Variants in TBX18 observed in about 807,000 individuals in gnomAD.
The protein encoded by TBX18 is T-box transcription factor 18.
In TBX18, 21 loss-of-function variants were observed where a neutral mutation model predicts 55.0. The observed-to-expected ratio is 0.38, with a 90% CI of 0.27 to 0.55. The LOEUF is 0.55. TBX18 is among the 20% of genes least tolerant of loss of function. The probability of loss-of-function intolerance (pLI) is 0.73; values close to 1 mark genes in which losing one functional copy is unlikely to be tolerated. For missense variants in TBX18, 840 were observed against 799.6 expected (o/e 1.05, Z -0.61); for synonymous variants, 342 against 326.1 (o/e 1.05, Z -0.53).
intron 4 of TBX18, among the ~76,000 whole-genome samples, chr6:84,750,143 G>T (rs1354377719): frequency 6.6e-6 from 1 of 152,030 alleles, no homozygotes; most frequent in Non-Finnish European, 1.5e-5. Context: ...AAATTAGCTG[G>T]GCGTGGTGGC....
chr6:84,737,165 G>A lies in TBX18; in HGVS notation c.1344C>T (p.Thr448=), dbSNP rs1766892476. The stretch of plus-strand genomic sequence containing the variant: ...AGGAGGGAGTCCTGGGCGGGGCAAA[G>A]GTCTCACCAGCCTGGTTGGTGAGCC... ...YNRLTNQAGE[T]FAPPRTPSYV... is the part of the protein sequence containing the mutation. Residue 448 remains threonine (T), a synonymous_variant, in exon 8 of 8, where the codon ACC becomes ACT. Coordinates refer to ENST00000369663, the MANE Select transcript of TBX18 (RefSeq NM_001080508.3). The A allele has an allele frequency of 6.2e-7, 1 of 1,613,992 alleles. No individual in the cohort carries two copies. Among genetic ancestry groups the A allele is most frequent in the Middle Eastern group, 1.6e-4 (1 of 6,062 alleles).
At chr6:84,752,745 CAA>C (rs2127877892) in intron 4 of TBX18, among the ~76,000 whole-genome samples, 1 of 152,242 alleles carries the variant, frequency 6.6e-6, no homozygotes, top group Non-Finnish European at 1.5e-5. Flanking sequence ...ACCTGATTCT[CAA>C]GGAGAAACAG....
At chr6:84,762,998 C>A in intron 1 of TBX18, 2 of 569,944 alleles carry the variant, frequency 3.5e-6, no homozygotes, top group East Asian at 6.0e-5. Flanking sequence ...GAGAGGCGCG[C>A]GGGCAGCGTC....
In TBX18 at chr6:84,745,552, G is replaced by A. The variant is rs573505020; in HGVS notation, c.940-1227C>T. Among the ~76,000 whole-genome samples the A allele has an allele frequency of 2.0e-5, 3 of 152,000 alleles. 1 individual carries two copies. The highest frequency in any genetic ancestry group is 2.1e-4 in the South Asian group (1 of 4,818). On this transcript the variant is annotated intron_variant, in intron 5 of 7. Coordinates refer to ENST00000369663, the MANE Select transcript of TBX18 (RefSeq NM_001080508.3). ...ATGTGTTCCATATGATGTTATCTTA[G>A]TATGTGGATAAAACTATATTATAAA...
chr6:84,757,527 A>G (rs1485670869), intron 3 of TBX18, among the ~76,000 whole-genome samples: 1 of 152,120 alleles, frequency 6.6e-6, no homozygotes, highest in Non-Finnish European at 1.5e-5. Context: ...TTCATCTCCT[A>G]TATTTCTTTC....
rs574425896 is a variant in TBX18 at position 84,734,907 on chromosome 6, C to T, written c.*1778G>A. The stretch of plus-strand genomic sequence containing the variant: ...TGCAAATATTTCATGTCCCTTCATG[C>T]TAGTTTTAAATTTAAAAATTTAATA... On this transcript the variant is annotated 3_prime_UTR_variant, in exon 8 of 8. Coordinates refer to ENST00000369663, the MANE Select transcript of TBX18 (RefSeq NM_001080508.3). The T allele has an allele frequency of 1.3e-4, 20 of 152,280 alleles. No individual in the cohort carries two copies. The East Asian group carries it at 3.9e-3, about 29-fold the overall frequency. 9.4% of individuals were successfully genotyped at this position (152,280 alleles called of 1,614,324 possible).
intron 5 of TBX18, among the ~76,000 whole-genome samples, chr6:84,746,420 G>A (rs1286032809): frequency 1.4e-5 from 2 of 145,058 alleles, no homozygotes; most frequent in African/African-American, 2.5e-5. Context: ...ATTATATTAA[G>A]TATATTATAA....
At chr6:84,742,120 T>C (rs1767063873) in intron 6 of TBX18, 1 of 152,170 alleles carries the variant, frequency 6.6e-6, no homozygotes, top group Non-Finnish European at 1.5e-5. Flanking sequence ...GAAAGCCATA[T>C]ATAGGCTCAA....
chr6:84,736,031 C>T lies in TBX18; in HGVS notation c.*654G>A, dbSNP rs962952257. 6.6e-6 allele frequency: 1 copy of T among 151,720 alleles called. No individual in the cohort carries two copies. Among genetic ancestry groups the T allele is most frequent in the Non-Finnish European group, 1.5e-5 (1 of 67,900 alleles). The allele number at this position is 151,720 out of a possible 1,614,324, so 9.4% of individuals were successfully genotyped here. On this transcript the variant is annotated 3_prime_UTR_variant, in exon 8 of 8. Transcript: ENST00000369663. The stretch of plus-strand genomic sequence containing the variant: ...CAATGGAAAGTGTAAAAAAAAAAAT[C>T]ACAAGCCTCTCCTTTACCTTCCTTA...
rs753194290 is a variant in TBX18, at chr6:84,737,294, G to T, written c.1215C>A (p.Asn405Lys). ...GGGCCAGACTACACAGCTGGCTGGT[G>T]TTGGGCCCCAGATGGAAGGCAGGAG... ...CSSPAFHLGP[N>K]TSQLCSLAPA... Residue 405 changes from asparagine to lysine, a missense_variant, in exon 8 of 8, where the codon AAC becomes AAA. Physicochemically the swap from Asn to Lys is moderately conservative, Grantham distance 94 (BLOSUM62 0). Transcript: ENST00000369663. 3 of 1,607,218 alleles carry T rather than the reference G, an allele frequency of 1.9e-6. No homozygotes were observed. In the South Asian group the frequency reaches 3.3e-5, roughly 18 times the overall value.
chr6:84,754,390 T>G (rs561173116), intron 4 of TBX18, among the ~76,000 whole-genome samples: 10 of 152,204 alleles, frequency 6.6e-5, no homozygotes, highest in Non-Finnish European at 1.3e-4. Flanking sequence ...GGCAATTCAC[T>G]TGCTTCCAAA....
intron 4 of TBX18, among the ~76,000 whole-genome samples, chr6:84,750,309 T>C (rs1272176410): frequency 6.9e-6 from 1 of 145,628 alleles, no homozygotes; most frequent in Admixed American, 6.8e-5. Flanking sequence ...AAAGGCATAA[T>C]CTAAATCTAA....
At chr6:84,761,941 A>G (rs1475839671) in intron 2 of TBX18, among the ~76,000 whole-genome samples, 1 of 152,238 alleles carries the variant, frequency 6.6e-6, no homozygotes, top group African/African-American at 2.4e-5. Context: ...CTTTTTAAAA[A>G]TCAGGGTAAT....
At chr6:84,753,848 A>T (rs905785936) in intron 4 of TBX18, among the ~76,000 whole-genome samples, 3 of 152,196 alleles carry the variant, frequency 2.0e-5, no homozygotes, top group Non-Finnish European at 4.4e-5. Flanking sequence ...CTGAGCTGGC[A>T]GGATGATAAT....
Position 84,762,555 on chromosome 6 carries a change from G to C in TBX18, c.486C>G (p.Thr162=). The C allele has an allele frequency of 6.2e-7, 1 of 1,614,050 alleles. No individual in the cohort carries two copies. Among genetic ancestry groups the C allele is most frequent in the Non-Finnish European group, 8.5e-7 (1 of 1,180,026 alleles). Residue 162 remains threonine, a synonymous_variant, in exon 2 of 8, where the codon ACC becomes ACG. Transcript: ENST00000369663. Reference sequence around the variant, plus strand: ...AGCTTGCCCATTACCTGCCGGCCTTGGTGATGATCATCTCAGTGCCTATCT... The same window carrying C: ...AGCTTGCCCATTACCTGCCGGCCTTCGTGATGATCATCTCAGTGCCTATCT... The part of the protein sequence containing the change: ...FHEIGTEMII[T]KAGRRMFPAM...
chr6:84,743,872 A>G lies in TBX18; in HGVS notation c.1004+389T>C, dbSNP rs1046856333. Among the ~76,000 whole-genome samples, 15 of 152,342 alleles carry G rather than the reference A, an allele frequency of 9.8e-5. No individual in the cohort carries two copies. The East Asian group carries it at 2.5e-3, about 25-fold the overall frequency. On this transcript the variant is annotated intron_variant, in intron 6 of 7. Transcript: ENST00000369663. ...GAAATATGACTTAACGAAAGACCCT[A>G]TCGTACTCCACAGACAATATCAATA...
At position 84,764,315 on chromosome 6, in the gene TBX18, GC is replaced by G; in HGVS notation, c.-135del. ...AGATCTGCCCCCTTCCCCACCGCGG[GC>G]AAAAAACAGATTTGGCGTTTCCGCT... On this transcript the variant is annotated 5_prime_UTR_variant, in exon 1 of 8. Transcript: ENST00000369663. 1 of 1,218,952 alleles carries G rather than the reference GC, an allele frequency of 8.2e-7. No individual in the cohort carries two copies. The highest frequency in any genetic ancestry group is 2.0e-5 in the South Asian group (1 of 48,968). 75.5% of individuals were successfully genotyped at this position (1,218,952 alleles called of 1,614,324 possible).
intron 4 of TBX18, among the ~76,000 whole-genome samples, chr6:84,750,985 C>T (rs1019782457): frequency 2.6e-5 from 4 of 151,966 alleles, no homozygotes; most frequent in African/African-American, 9.7e-5. Context: ...AAGGGAGAAC[C>T]CTTCCTCTTC....
At chr6:84,740,359 C>G (rs1767015639) in intron 6 of TBX18, among the ~76,000 whole-genome samples, 1 of 152,052 alleles carries the variant, frequency 6.6e-6, no homozygotes, top group Non-Finnish European at 1.5e-5. Context: ...TGCTAATCTC[C>G]CTGGACTTCA....
Sources: gnomAD v4.1 joint callset for allele counts (sites outside exome capture counted in the v4.1 genomes callset) on GRCh38, gnomAD v4.1.1 for gene constraint, MANE v1.5 for transcripts, NCBI Gene and HGNC (gene_info 2026-07-23, HGNC 2026-07-21) for gene names.